Variants in GRIP1 observed in about 807,000 individuals in gnomAD.
GRIP1 encodes the protein glutamate receptor-interacting protein 1.
GRIP1 carries 45 observed loss-of-function variants against 129.9 expected under a neutral mutation model. The ratio of observed to expected loss-of-function variants is 0.35; its 90% CI spans 0.27 to 0.44. The LOEUF (loss-of-function observed/expected upper bound fraction) is 0.44, where lower values mean the gene tolerates loss of function less well. Among genes scored for constraint, GRIP1 ranks in the 20% least tolerant of loss-of-function variants. The pLI is 1.00. For synonymous variants in GRIP1, 530 were observed against 520.8 expected (o/e 1.02, Z -0.24); for missense variants, 1,196 against 1,396.8 (o/e 0.86, Z 2.29).
At chr12:66,637,233 A>T (rs1013053817) in intron 1 of GRIP1, among the ~76,000 whole-genome samples, 14 of 152,036 alleles carry the variant, frequency 9.2e-5, no homozygotes, top group Non-Finnish European at 1.8e-4. Flanking sequence ...AATAAATAAT[A>T]AAAAAAGATA....
At chr12:66,833,092 T>C (rs560501138) in intron 1 of GRIP1, among the ~76,000 whole-genome samples, 1 of 152,320 alleles carries the variant, frequency 6.6e-6, no homozygotes, top group Admixed American at 6.5e-5. Flanking sequence ...GTTTCTCCTG[T>C]AAACCTGGAG....
At chr12:66,977,348 T>C (rs1331971249) in intron 1 of GRIP1, among the ~76,000 whole-genome samples, 2 of 152,184 alleles carry the variant, frequency 1.3e-5, no homozygotes, top group Non-Finnish European at 2.9e-5. Context: ...AATTTACATT[T>C]CTTTAGGATA....
chr12:66,664,432 T>G lies in GRIP1; in HGVS notation c.55+14418A>C, dbSNP rs551804978. On this transcript the variant is annotated intron_variant, in intron 1 of 24. Transcript: ENST00000359742. ...TTCATAGTATATATTCCTTCTAGAA[T>G]TTGTTGCCAGGTATGATTATGTCTT... Among the ~76,000 whole-genome samples the G allele has an allele frequency of 2.0e-5, 3 of 152,308 alleles. No individual in the cohort carries two copies. The East Asian group carries it at 5.8e-4, about 29-fold the overall frequency.
chr12:66,741,496 A>G (rs2036785833), intron 1 of GRIP1, among the ~76,000 whole-genome samples: 1 of 152,232 alleles, frequency 6.6e-6, no homozygotes, highest in African/African-American at 2.4e-5. Flanking sequence ...CCAACAGGGT[A>G]TGGGGCTAGG....
intron 1 of GRIP1, among the ~76,000 whole-genome samples, chr12:67,049,828 A>T (rs1390563232): frequency 2.6e-5 from 4 of 152,126 alleles, no homozygotes; most frequent in African/African-American, 9.7e-5. Flanking sequence ...ACTTAAACTA[A>T]GTGAAATAAC....
intron 1 of GRIP1, among the ~76,000 whole-genome samples, chr12:66,944,224 G>A (rs1048572381): frequency 2.6e-5 from 4 of 152,074 alleles, no homozygotes; most frequent in Non-Finnish European, 4.4e-5. Flanking sequence ...CTAATAAAGG[G>A]ACTCGATAAT....
chr12:66,800,163 C>G (rs1450975812), intron 1 of GRIP1, among the ~76,000 whole-genome samples: 1 of 152,036 alleles, frequency 6.6e-6, no homozygotes, highest in Non-Finnish European at 1.5e-5. Flanking sequence ...TACAAATGAC[C>G]CTTTTATTCA....
chr12:66,891,155 T>G (rs2040651350), intron 1 of GRIP1, among the ~76,000 whole-genome samples: 1 of 152,302 alleles, frequency 6.6e-6, no homozygotes, highest in South Asian at 2.1e-4. Flanking sequence ...CTTTTATATT[T>G]TTTTCCACCA....
At chr12:66,904,707 G>A (rs12228327) in intron 1 of GRIP1, among the ~76,000 whole-genome samples, 39,459 of 151,912 alleles carry the variant, frequency 0.26, 5,542 homozygotes, top group East Asian at 0.46. Context: ...CCTGGCCAAC[G>A]TGGTGAAACC....
chr12:66,601,711 G>A (rs535980635), intron 1 of GRIP1, among the ~76,000 whole-genome samples: 1 of 152,206 alleles, frequency 6.6e-6, no homozygotes, highest in African/African-American at 2.4e-5. Context: ...CCATTTCCCA[G>A]CAGAGAGGAG....
At chr12:66,942,106 T>C (rs1018707721) in intron 1 of GRIP1, among the ~76,000 whole-genome samples, 16 of 152,174 alleles carry the variant, frequency 1.1e-4, no homozygotes, top group African/African-American at 3.9e-4. Context: ...ATCCTGACAA[T>C]GACTATAGAT....
intron 1 of GRIP1, among the ~76,000 whole-genome samples, chr12:66,996,052 T>G (rs1402760486): frequency 2.6e-5 from 4 of 152,242 alleles, no homozygotes; most frequent in Admixed American, 2.6e-4. Context: ...GACCACATAT[T>G]GTATGAATCC....
chr12:66,765,922 T>A (rs1194678544), intron 1 of GRIP1, among the ~76,000 whole-genome samples: 1 of 152,136 alleles, frequency 6.6e-6, no homozygotes, highest in Non-Finnish European at 1.5e-5. Context: ...AGACATAGGA[T>A]GTCCTTAGTT....
At position 66,488,921 on chromosome 12, in the gene GRIP1, G is replaced by A. The variant is rs117447415; in HGVS notation, c.725-23499C>T. ...ATACACCCTACTAAGACTGAACCAG[G>A]AAGAAATTAATTCCCTGAATAGACC... On this transcript the variant is annotated intron_variant, in intron 7 of 24. Coordinates refer to ENST00000359742, the MANE Select transcript of GRIP1 (RefSeq NM_001366722.1). Among the ~76,000 whole-genome samples, 1,241 of 152,202 alleles carry A rather than the reference G, an allele frequency of 8.2e-3. 44 individuals are homozygous for A. In the South Asian group the frequency reaches 0.099, roughly 12 times the overall value.
rs574986153 is a variant in GRIP1 at position 66,928,923 on chromosome 12, A to G, written c.58+140127T>C. On this transcript the variant is annotated intron_variant, in intron 1 of 1. Coordinates refer to the GRIP1 transcript ENST00000643019. ...CTGTGTATCCCCAGGGAAAGATGGT[A>G]TGTTTACCCAAGTGCAAGTGTACAT... Among the ~76,000 whole-genome samples the G allele has an allele frequency of 1.1e-4, 17 of 152,306 alleles. No individual in the cohort carries two copies. The South Asian group carries it at 3.3e-3, about 30-fold the overall frequency.
At chr12:66,503,777 T>C (rs1048889382) in intron 7 of GRIP1, among the ~76,000 whole-genome samples, 1 of 152,116 alleles carries the variant, frequency 6.6e-6, no homozygotes, top group African/African-American at 2.4e-5. Context: ...GGAGAAAAGC[T>C]TGGGGGAGCC....
At chr12:67,034,476 A>C (rs1219091070) in intron 1 of GRIP1, among the ~76,000 whole-genome samples, 1 of 152,230 alleles carries the variant, frequency 6.6e-6, no homozygotes, top group African/African-American at 2.4e-5. Flanking sequence ...ACTGTAAGCA[A>C]CCATAACATA....
At chr12:66,713,779 T>C (rs1451021981) in intron 1 of GRIP1, among the ~76,000 whole-genome samples, 3 of 152,076 alleles carry the variant, frequency 2.0e-5, no homozygotes, top group Non-Finnish European at 2.9e-5. Flanking sequence ...TACATCTGCT[T>C]CCCTTACTGG....
chr12:66,591,615 A>AT (rs1022984291), intron 2 of GRIP1, among the ~76,000 whole-genome samples: 1 of 151,730 alleles, frequency 6.6e-6, no homozygotes. Context: ...AGATGCACTC[A>AT]TTTTTTTTGT....
Sources: gnomAD v4.1 joint callset for allele counts (sites outside exome capture counted in the v4.1 genomes callset) on GRCh38, gnomAD v4.1.1 for gene constraint, MANE v1.5 for transcripts, NCBI Gene and HGNC (gene_info 2026-07-23, HGNC 2026-07-21) for gene names.